The following UPB1 variants were observed in gnomAD, a reference collection of about 807,000 sequenced individuals.
The protein encoded by UPB1 is beta-ureidopropionase 1.
Under a neutral mutation model 49.1 loss-of-function variants are expected in UPB1, and 40 were observed. The ratio of observed to expected loss-of-function variants is 0.81; its 90% CI spans 0.63 to 1.06. The LOEUF is 1.06. UPB1 is among the 50% of genes least tolerant of loss of function. The pLI is 0.00. For synonymous variants in UPB1, 207 were observed against 198.2 expected (o/e 1.04, Z -0.38); for missense variants, 499 against 505.9 (o/e 0.99, Z 0.13).
intron 2 of UPB1, among the ~76,000 whole-genome samples, chr22:24,500,549 C>T (rs1331154743): frequency 2.0e-5 from 3 of 152,256 alleles, no homozygotes; most frequent in East Asian, 3.8e-4. Flanking sequence ...ATTTACCAAC[C>T]GGGAGGGTGC....
chr22:24,501,774 C>T (rs576907657), intron 2 of UPB1, among the ~76,000 whole-genome samples: 8 of 152,250 alleles, frequency 5.3e-5, no homozygotes, highest in South Asian at 2.1e-4. Flanking sequence ...AGCGGAGTCC[C>T]GGGCCAAGGG....
intron 4 of UPB1, among the ~76,000 whole-genome samples, chr22:24,512,998 A>G (rs569920269): frequency 2.6e-5 from 4 of 152,324 alleles, no homozygotes; most frequent in African/African-American, 7.2e-5. Flanking sequence ...TGCGTTTGCA[A>G]ATCTCTTCTG....
At chr22:24,512,284 CG>C (rs2044220321) in intron 4 of UPB1, among the ~76,000 whole-genome samples, 2 of 152,278 alleles carry the variant, frequency 1.3e-5, no homozygotes, top group South Asian at 4.1e-4. Context: ...AGAGACACTC[CG>C]CCTCCACAGG....
intron 3 of UPB1, 123 bp from the exon 4 acceptor site, chr22:24,510,626 A>C: frequency 9.5e-7 from 1 of 1,054,274 alleles, no homozygotes; most frequent in Non-Finnish European, 1.5e-6. Flanking sequence ...CAGGACCCAG[A>C]AGCCAGGCCA....
chr22:24,520,629 T>C (rs2044373328), intron 7 of UPB1, among the ~76,000 whole-genome samples, 161 bp downstream of exon 7: 1 of 152,216 alleles, frequency 6.6e-6, no homozygotes, highest in Non-Finnish European at 1.5e-5. Flanking sequence ...TCCTGTTTTT[T>C]CTGTTTTTGT....
In UPB1 at chr22:24,495,354, C is replaced by T. The variant is rs753303774; in HGVS notation, c.-50C>T. On this transcript the variant is annotated 5_prime_UTR_variant, in exon 1 of 10. Transcript: ENST00000326010. ...CCTGGGCACCTCCTCCCACTGCGGG[C>T]AAAGGGCAGGCAGTTCGTGCGCGGA... 2.4e-5 allele frequency: 39 copies of T among 1,600,058 alleles called. No homozygotes were observed. The Middle Eastern group carries it at 1.0e-3, about 43-fold the overall frequency.
chr22:24,517,547 C>T (rs1197207869), intron 6 of UPB1, among the ~76,000 whole-genome samples: 1 of 152,216 alleles, frequency 6.6e-6, no homozygotes, highest in East Asian at 1.9e-4. Context: ...TCAGATGGCT[C>T]CTCGCCTTGT....
chr22:24,515,519 G>A (rs748313940), intron 6 of UPB1, 149 bp downstream of exon 6: 2 of 1,074,644 alleles, frequency 1.9e-6, no homozygotes, highest in East Asian at 2.6e-5. Context: ...TGTTGTACAT[G>A]TGACCAGCTT....
chr22:24,514,589 T>C (rs150544272), intron 5 of UPB1, among the ~76,000 whole-genome samples: 6 of 152,232 alleles, frequency 3.9e-5, no homozygotes, highest in African/African-American at 1.4e-4. Flanking sequence ...CTGGCACCCT[T>C]AGGAGCAGAC....
chr22:24,516,341 CT>C (rs985475865), intron 6 of UPB1, among the ~76,000 whole-genome samples: 2 of 152,184 alleles, frequency 1.3e-5, no homozygotes, highest in African/African-American at 2.4e-5. Flanking sequence ...TACCCCACCC[CT>C]GGGGCCCCTC....
At chr22:24,507,522 C>A (rs1483698757) in intron 3 of UPB1, among the ~76,000 whole-genome samples, 1 of 152,066 alleles carries the variant, frequency 6.6e-6, no homozygotes, top group African/African-American at 2.4e-5. Flanking sequence ...GACGATCTGC[C>A]TATTACGAAG....
At chr22:24,522,172 T>C in intron 8 of UPB1, 144 bp downstream of exon 8, 1 of 981,188 alleles carries the variant, frequency 1.0e-6, no homozygotes, top group Non-Finnish European at 1.6e-6. Context: ...TCCTCTCTGC[T>C]TTATTGCCTG....
intron 2 of UPB1, 138 bp downstream of exon 2, chr22:24,500,416 C>A: frequency 9.4e-7 from 1 of 1,059,786 alleles, no homozygotes; most frequent in Non-Finnish European, 1.4e-6. Context: ...GGCGCTTCTG[C>A]CCTGGCCTCC....
chr22:24,511,618 A>ATATATTT (rs1280628896), intron 4 of UPB1, among the ~76,000 whole-genome samples: 22 of 122,554 alleles, frequency 1.8e-4, no homozygotes, highest in African/African-American at 6.8e-4. Flanking sequence ...ATATATATAT[A>ATATATTT]TTTTTTTTTT....
intron 9 of UPB1, among the ~76,000 whole-genome samples, chr22:24,524,487 G>A (rs1325114319): frequency 6.6e-6 from 1 of 151,418 alleles, no homozygotes; most frequent in Non-Finnish European, 1.5e-5. Context: ...TTTCTTTTTT[G>A]GTGGAGTAGG....
chr22:24,523,962 A>G (rs1319059836), intron 9 of UPB1, among the ~76,000 whole-genome samples, 189 bp downstream of exon 9: 1 of 152,224 alleles, frequency 6.6e-6, no homozygotes, highest in Non-Finnish European at 1.5e-5. Context: ...GGGTCAAACA[A>G]TGTACAAGCA....
chr22:24,525,291 G>T (rs919460928), intron 9 of UPB1, among the ~76,000 whole-genome samples: 2 of 152,172 alleles, frequency 1.3e-5, no homozygotes, highest in African/African-American at 4.8e-5. Context: ...TCCACGATGA[G>T]ATGCCACATG....
At chr22:24,522,943 T>TAAAA (rs747503249) in intron 8 of UPB1, among the ~76,000 whole-genome samples, 3 of 66,378 alleles carry the variant, frequency 4.5e-5, no homozygotes, top group African/African-American at 1.2e-4. Context: ...AAATGCCACC[T>TAAAA]AAAAAAAAAA....
chr22:24,499,914 A>G (rs1268680502), intron 1 of UPB1, among the ~76,000 whole-genome samples, 193 bp from the exon 2 acceptor site: 1 of 152,202 alleles, frequency 6.6e-6, no homozygotes, highest in Non-Finnish European at 1.5e-5. Context: ...GGTAAAGTCC[A>G]GGTTCAGTGT....
Sources: allele counts gnomAD v4.1 joint callset (sites outside exome capture counted in the v4.1 genomes callset), GRCh38; gene constraint gnomAD v4.1.1; transcripts MANE v1.5; gene names NCBI Gene and HGNC (gene_info 2026-07-23, HGNC 2026-07-21).